MROH1: variants seen among roughly 807,000 people sequenced by gnomAD.
MROH1 encodes the protein maestro heat-like repeat-containing protein family member 1.
A neutral mutation model predicts 116.5 loss-of-function variants in MROH1; 117 were observed. The observed-to-expected ratio is 1.00, with a 90% confidence interval of 0.86 to 1.17. The LOEUF (loss-of-function observed/expected upper bound fraction) is 1.17. MROH1 is among the 50% of genes most tolerant of loss of function. The probability of loss-of-function intolerance (pLI) is 0.00; values close to 1 mark genes in which losing one functional copy is unlikely to be tolerated. For missense variants in MROH1, 1,873 were observed against 1,338.5 expected, an observed-to-expected ratio of 1.40 and a Z score of -6.23; for synonymous variants, 921 against 583.9, an observed-to-expected ratio of 1.58 and a Z score of -8.32.
At chr8:144,174,594 C>CT (rs1288093853) in intron 4 of MROH1, among the ~76,000 whole-genome samples, 1 of 151,752 alleles carries the variant, frequency 6.6e-6, no homozygotes, top group East Asian at 1.9e-4. Flanking sequence ...AGTGATCCTC[C>CT]TGCTTCAGCC....
chr8:144,258,674 C>T, intron 35 of MROH1, 103 bp from the exon 36 acceptor site: 1 of 696,356 alleles, frequency 1.4e-6, no homozygotes, highest in East Asian at 2.7e-5. Flanking sequence ...ATAGGGCTAG[C>T]CACCAGGTGG....
chr8:144,152,314 G>A (rs1394836874), intron 1 of MROH1, among the ~76,000 whole-genome samples: 1 of 152,122 alleles, frequency 6.6e-6, no homozygotes. Context: ...GGACTACTAT[G>A]TTAATATCAG....
At chr8:144,258,506 T>C (rs1478270363) in intron 35 of MROH1, among the ~76,000 whole-genome samples, 1 of 152,186 alleles carries the variant, frequency 6.6e-6, no homozygotes, top group African/African-American at 2.4e-5. Flanking sequence ...GGGCTTTGCC[T>C]GTGTCCAGCT....
At chr8:144,261,371 C>T (rs1845021069) in intron 43 of MROH1, 22 bp downstream of exon 43, 7 of 701,566 alleles carry the variant, frequency 1.0e-5, no homozygotes, top group Non-Finnish European at 1.8e-5. Flanking sequence ...TCCACGGGGC[C>T]CCTCCGCTGG....
Position 144,258,694 on chromosome 8 carries a change from A to G in MROH1, c.3792-83A>G. ...GCTAGCCACCAGGTGGGCAACACGC[A>G]TTGGGTGCAGACCTGAGGAGTTAAT... On this transcript the variant is annotated intron_variant, in intron 35 of 43. Coordinates refer to ENST00000326134, the MANE Select transcript of MROH1 (RefSeq NM_032450.3). 8.5e-6 allele frequency: 6 copies of G among 703,760 alleles called. No individual in the cohort carries two copies. The South Asian group carries it at 8.9e-5, about 10-fold the overall frequency. 43.6% of individuals were successfully genotyped at this position (703,760 alleles called of 1,614,324 possible). A position where few individuals can be genotyped will look rare whatever the true frequency, so the allele number is the denominator to read the frequency against.
In MROH1 at chr8:144,168,414, G is replaced by A. The variant is rs192159538; in HGVS notation, c.142G>A (p.Glu48Lys). ...ARPVETLRAC[E>K]EYLRQHDKLA... ...GCCGGTGGAGACGCTCCGTGCCTGC[G>A]AGGAGTATCTGCGGCAGCATGACAA... The change falls in exon 4 of 44, where the codon GAG becomes AAG. Residue 48 changes from glutamate (E) to lysine (K), a missense_variant. Physicochemically the swap from Glu to Lys is moderately conservative, Grantham distance 56 (BLOSUM62 1). Transcript: ENST00000326134. The A allele has an allele frequency of 1.0e-4, 163 of 1,610,784 alleles. No individual in the cohort carries two copies. The highest frequency in any genetic ancestry group is 2.9e-4 in the East Asian group (13 of 44,866).
In MROH1 at chr8:144,255,520, ACT is replaced by A; in HGVS notation, c.3607_3608del (p.Leu1203ValfsTer2). On this transcript the variant is annotated frameshift_variant, in exon 35 of 44. Coordinates refer to ENST00000326134, the MANE Select transcript of MROH1 (RefSeq NM_032450.3). LOFTEE classifies it high-confidence loss of function. ...GACTTCTCCCCCAGGCTACCTGTGC[ACT>A]GTTTGAGGTCATGTCCACGCCTGCA... Reference protein sequence around the residue: ...TLLPLSATCALFEVMSTPAAG... With the variant: ...TLLPLSATCAXFEVMSTPAAG... 1 of 778,930 alleles carries A rather than the reference ACT, an allele frequency of 1.3e-6. No individual in the cohort carries two copies. Among genetic ancestry groups the A allele is most frequent in the Non-Finnish European group, 2.4e-6 (1 of 417,742 alleles). The allele number at this position is 778,930 out of a possible 1,614,324, so 48.3% of individuals were successfully genotyped here. A position where few individuals can be genotyped will look rare whatever the true frequency, so the allele number is the denominator to read the frequency against.
intron 12 of MROH1, among the ~76,000 whole-genome samples, chr8:144,211,431 G>A (rs542666490): frequency 5.3e-5 from 8 of 152,260 alleles, no homozygotes; most frequent in Admixed American, 3.9e-4. Flanking sequence ...GTTCATATAA[G>A]AAAGGCAGGG....
intron 1 of MROH1, among the ~76,000 whole-genome samples, chr8:144,156,338 C>T (rs1055586737): frequency 7.3e-5 from 11 of 150,366 alleles, no homozygotes; most frequent in East Asian, 2.0e-4. Flanking sequence ...CATAAGTGGA[C>T]GTTGGATTGT....
At chr8:144,249,288 C>T (rs1842440611) in intron 32 of MROH1, among the ~76,000 whole-genome samples, 1 of 151,984 alleles carries the variant, frequency 6.6e-6, no homozygotes, top group East Asian at 1.9e-4. Flanking sequence ...TAGAATTTGG[C>T]AAAAACAAGT....
At chr8:144,168,156 G>A in intron 3 of MROH1, 139 bp from the exon 4 acceptor site, 1 of 1,017,430 alleles carries the variant, frequency 9.8e-7, no homozygotes, top group Non-Finnish European at 1.4e-6. Flanking sequence ...ATACAAGAGA[G>A]AAAGCAGCTG....
At chr8:144,185,639 G>GC (rs1826844879) in intron 7 of MROH1, among the ~76,000 whole-genome samples, 1 of 40,288 alleles carries the variant, frequency 2.5e-5, no homozygotes, top group African/African-American at 1.2e-4. Context: ...GAGGGCCGGG[G>GC]GGGGGGACGG....
chr8:144,168,454 TTGG>T lies in MROH1; in HGVS notation c.168+18_168+20del. ...CAGCATGACAAGGTATGTGTGCTCC[TTGG>T]TGGGGATGATGTTGTCAGGGCCATG... On this transcript the variant is annotated intron_variant, in intron 4 of 43. Coordinates refer to ENST00000326134, the MANE Select transcript of MROH1 (RefSeq NM_032450.3). 1 of 1,591,980 alleles carries T rather than the reference TTGG, an allele frequency of 6.3e-7. No individual in the cohort carries two copies. Among genetic ancestry groups the T allele is most frequent in the African/African-American group, 1.3e-5 (1 of 74,742 alleles).
At chr8:144,192,262 G>A (rs1227407265) in intron 9 of MROH1, 47 bp from the exon 10 acceptor site, 1 of 1,501,196 alleles carries the variant, frequency 6.7e-7, no homozygotes, top group Admixed American at 2.0e-5. Flanking sequence ...AGTCAGTTCG[G>A]GCGGCTGGAG....
chr8:144,191,903 C>T (rs757214997), intron 9 of MROH1, 48 bp downstream of exon 9: 1 of 1,608,108 alleles, frequency 6.2e-7, no homozygotes, highest in Admixed American at 1.7e-5. Flanking sequence ...CCCCTCCAAT[C>T]AGACTCCCCG....
At chr8:144,175,408 A>AGCT in intron 4 of MROH1, 1 of 818,434 alleles carries the variant, frequency 1.2e-6, no homozygotes, top group Non-Finnish European at 1.5e-6. Context: ...GCTGTACCCA[A>AGCT]GCTGCTGCTC....
Position 144,148,341 on chromosome 8 carries a change from G to A in MROH1, c.-177+265G>A, listed in dbSNP as rs1049687453. The stretch of plus-strand genomic sequence containing the variant: ...CTCCTCTGCGCCGCTAAGTCGTCTC[G>A]GCCGCGCGACCACCCCTCTTCGGGG... On this transcript the variant is annotated intron_variant, in intron 1 of 43. Coordinates refer to ENST00000326134, the MANE Select transcript of MROH1 (RefSeq NM_032450.3). Among the ~76,000 whole-genome samples, 1,113 of 152,258 alleles carry A rather than the reference G, an allele frequency of 7.3e-3. 14 individuals are homozygous for A. Among genetic ancestry groups the A allele is most frequent in the African/African-American group, 0.026 (1,061 of 41,558 alleles).
Position 144,240,576 on chromosome 8 carries a change from C to T in MROH1, c.1834C>T (p.Arg612Ter), listed in dbSNP as rs1840805070. The change falls in exon 20 of 44, where the codon CGA becomes TGA. Residue 612 changes from arginine (R) to a stop codon, truncating the protein, a stop_gained. Coordinates refer to ENST00000326134, the MANE Select transcript of MROH1 (RefSeq NM_032450.3). LOFTEE classifies it high-confidence loss of function. ...GTGGCATCTTGGCCTGCAGTTCCTG[C>T]GAGACACCCTGGCCATCATTTCTGA... Reference protein sequence around the residue: ...EWEEKLLMFLRDTLAIISDNA... With the variant: ...EWEEKLLMFL 2.8e-6 allele frequency: 2 copies of T among 716,796 alleles called. No individual in the cohort carries two copies. The highest frequency in any genetic ancestry group is 2.8e-4 in the Middle Eastern group (1 of 3,626). 44.4% of individuals were successfully genotyped at this position (716,796 alleles called of 1,614,324 possible).
chr8:144,214,043 C>T (rs6558325), intron 12 of MROH1: 139,346 of 152,240 alleles, frequency 0.92, 65,100 homozygotes, highest in East Asian at 1. Flanking sequence ...TCCTGCAGTG[C>T]CCTGCAGTTG....
Sources: allele counts gnomAD v4.1 joint callset (sites outside exome capture counted in the v4.1 genomes callset), GRCh38; gene constraint gnomAD v4.1.1; transcripts MANE v1.5; gene names NCBI Gene and HGNC (gene_info 2026-07-23, HGNC 2026-07-21).